Variants in SAMD4B observed in about 807,000 individuals in gnomAD.
The protein encoded by SAMD4B is protein Smaug homolog 2.
Under a neutral mutation model 74.5 loss-of-function variants are expected in SAMD4B, and 5 were observed. That is an observed-to-expected ratio of 0.07 (90% CI 0.04 to 0.14). The LOEUF (loss-of-function observed/expected upper bound fraction) is 0.14, where lower values mean the gene tolerates loss of function less well. Among genes scored for constraint, SAMD4B ranks in the 10% least tolerant of loss-of-function variants. The pLI, the probability that SAMD4B is intolerant of heterozygous loss-of-function variation, is 1.00. For synonymous variants in SAMD4B, 373 were observed against 374.9 expected (o/e 1.00, Z 0.06); for missense variants, 608 against 921.8 (o/e 0.66, Z 4.41).
At chr19:39,350,570 C>T (rs1271344865) in intron 1 of SAMD4B, 1 of 152,262 alleles carries the variant, frequency 6.6e-6, no homozygotes, top group African/African-American at 2.4e-5. Flanking sequence ...TCACTGCAAC[C>T]TCCACCTCCC....
chr19:39,388,236 T>G (rs2078296056), downstream of SAMD4B: 1 of 1,136,352 alleles, frequency 8.8e-7, no homozygotes, highest in South Asian at 1.4e-5. Flanking sequence ...CCAATGCATA[T>G]GACAAATTCT....
At chr19:39,388,002 A>C (rs548525396), downstream of SAMD4B, among the ~76,000 whole-genome samples, 8 of 152,282 alleles carry the variant, frequency 5.3e-5, no homozygotes, top group African/African-American at 1.4e-4. Context: ...TTAGCTGGCC[A>C]TGCTGGCACA....
At chr19:39,388,902 G>C (rs780293853), downstream of SAMD4B, 1 of 1,610,702 alleles carries the variant, frequency 6.2e-7, no homozygotes, top group African/African-American at 1.3e-5. Flanking sequence ...GATGGGAACA[G>C]GCACAAATAG....
intron 1 of SAMD4B, among the ~76,000 whole-genome samples, chr19:39,346,466 T>A (rs563222372): frequency 6.6e-6 from 1 of 152,350 alleles, no homozygotes; most frequent in Non-Finnish European, 1.5e-5. Context: ...CCAGCTGCAC[T>A]TTAGTGACCT....
At position 39,383,536 on chromosome 19, in the gene SAMD4B, A is replaced by G; in HGVS notation, c.*9A>G. On this transcript the variant is annotated 3_prime_UTR_variant, in exon 14 of 14. Coordinates refer to ENST00000610417, the MANE Select transcript of SAMD4B (RefSeq NM_001384574.2). The surrounding 1 kb of genome is among the most constrained non-coding windows in gnomAD (Gnocchi z 4.1). ...AAACCTCCACCATCTGACGGGACCC[A>G]CAGCCCAGCGCACCCATAGGCTCCC... is the stretch of plus-strand genomic sequence containing the variant. The G allele has an allele frequency of 6.2e-7, 1 of 1,614,194 alleles. No homozygotes were observed. The highest frequency in any genetic ancestry group is 1.1e-5 in the South Asian group (1 of 91,080).
rs2078183404 is a variant in SAMD4B, at chr19:39,384,488, G to A, written c.*961G>A. 1 of 152,656 alleles carries A rather than the reference G, an allele frequency of 6.6e-6. No individual in the cohort carries two copies. The highest frequency in any genetic ancestry group is 6.5e-5 in the Admixed American group (1 of 15,286). The allele number at this position is 152,656 out of a possible 1,614,324, so 9.5% of individuals were successfully genotyped here. ...CTTGGGAGTCAGGAATAAGGGAAAG[G>A]GGATTGTTTGGTTTTTGGGTTTTTC... On this transcript the variant is annotated 3_prime_UTR_variant, in exon 14 of 14. Transcript: ENST00000610417.
chr19:39,360,254 G>T (rs2145484685), intron 3 of SAMD4B: 1 of 152,264 alleles, frequency 6.6e-6, no homozygotes, highest in East Asian at 1.9e-4. Context: ...AAGACATGCT[G>T]CATTTTATAC....
chr19:39,357,121 G>T (rs1290862540), intron 3 of SAMD4B, 32 bp downstream of exon 3: 1 of 1,551,170 alleles, frequency 6.4e-7, no homozygotes, highest in African/African-American at 1.4e-5. Flanking sequence ...TGGGAGCACA[G>T]CAGGAGGGAG....
At chr19:39,368,223 G>A (rs1461461898) in intron 3 of SAMD4B, among the ~76,000 whole-genome samples, 3 of 151,918 alleles carry the variant, frequency 2.0e-5, no homozygotes, top group African/African-American at 7.3e-5. Context: ...CAAAAAAAAA[G>A]AAAAGGGAAA....
At chr19:39,361,998 A>G (rs1035884423) in intron 3 of SAMD4B, among the ~76,000 whole-genome samples, 2 of 152,122 alleles carry the variant, frequency 1.3e-5, no homozygotes, top group African/African-American at 2.4e-5. Flanking sequence ...AGAGCTGAAC[A>G]GTGAGGTAGA....
At chr19:39,360,703 A>T (rs1412078233) in intron 3 of SAMD4B, among the ~76,000 whole-genome samples, 1 of 152,078 alleles carries the variant, frequency 6.6e-6, no homozygotes, top group African/African-American at 2.4e-5. Context: ...GGGCCTGGAG[A>T]CCTGCCTCAA....
intron 1 of SAMD4B, among the ~76,000 whole-genome samples, chr19:39,348,105 T>C (rs755195420): frequency 6.6e-6 from 1 of 152,076 alleles, no homozygotes; most frequent in Non-Finnish European, 1.5e-5. Context: ...TGTGGGAAGA[T>C]CTGGGAGTGG....
chr19:39,381,763 T>G (rs562545743), intron 12 of SAMD4B, among the ~76,000 whole-genome samples: 5 of 152,250 alleles, frequency 3.3e-5, no homozygotes, highest in African/African-American at 1.2e-4. Context: ...AAACCCCATC[T>G]GTACAAAAAA....
intron 3 of SAMD4B, among the ~76,000 whole-genome samples, chr19:39,365,526 A>G (rs1161639018): frequency 6.6e-6 from 1 of 151,890 alleles, no homozygotes; most frequent in African/African-American, 2.4e-5. Context: ...CTGCACTCCA[A>G]CTTGAACAAC....
intron 1 of SAMD4B, chr19:39,352,356 T>A (rs2076088038): frequency 6.6e-6 from 1 of 152,160 alleles, no homozygotes. Flanking sequence ...TTTGTGCTCT[T>A]CTGTTCCAAG....
At position 39,356,669 on chromosome 19, in the gene SAMD4B, C is replaced by G. The variant is rs1156934083; in HGVS notation, c.-205-20C>G. The G allele has an allele frequency of 2.1e-6, 1 of 467,060 alleles. No individual in the cohort carries two copies. Among genetic ancestry groups the G allele is most frequent in the African/African-American group, 2.0e-5 (1 of 51,062 alleles). 28.9% of individuals were successfully genotyped at this position (467,060 alleles called of 1,614,324 possible). ...TTTCAGCCCCTTCTTTCTGTTTGACCCCTTTGCTTCCTTTTTCAGGAAACT... is the reference window on the plus strand; with the variant it reads ...TTTCAGCCCCTTCTTTCTGTTTGACGCCTTTGCTTCCTTTTTCAGGAAACT... On this transcript the variant is annotated intron_variant, in intron 2 of 13. Coordinates refer to ENST00000610417, the MANE Select transcript of SAMD4B (RefSeq NM_001384574.2).
Position 39,383,183 on chromosome 19 carries a change from C to G in SAMD4B, c.1973-25C>G, listed in dbSNP as rs550231188. 5.0e-6 allele frequency: 8 copies of G among 1,603,712 alleles called. No individual in the cohort carries two copies. The highest frequency in any genetic ancestry group is 2.2e-5 in the East Asian group (1 of 44,834). ...CCTGAGTCCAGTTGGTCCTTACCAC[C>G]CCCATTCTCCTCTCTCCCACCCAGA... On this transcript the variant is annotated intron_variant, in intron 12 of 13. Transcript: ENST00000610417. The surrounding 1 kb of genome is among the most constrained non-coding windows in gnomAD (Gnocchi z 4.1).
chr19:39,345,448 G>C (rs564625976), intron 1 of SAMD4B, among the ~76,000 whole-genome samples: 1 of 152,236 alleles, frequency 6.6e-6, no homozygotes, highest in African/African-American at 2.4e-5. Context: ...ACCAGCCTTT[G>C]GTGCTTCTTT....
chr19:39,379,867 G>T (rs1191068287), intron 9 of SAMD4B, 99 bp from the exon 10 acceptor site: 16 of 1,054,234 alleles, frequency 1.5e-5, no homozygotes, highest in African/African-American at 3.2e-5. Context: ...ACCACGCCCG[G>T]CCAGGCAATA....
Sources: allele counts gnomAD v4.1 joint callset (sites outside exome capture counted in the v4.1 genomes callset), GRCh38; gene constraint gnomAD v4.1.1; non-coding constraint Gnocchi (gnomAD v3.1); transcripts MANE v1.5; gene names NCBI Gene and HGNC (gene_info 2026-07-23, HGNC 2026-07-21).